ANKRD46: variants seen among roughly 807,000 people sequenced by gnomAD.
ANKRD46 encodes ankyrin repeat domain 46, also known as ankyrin repeat domain-containing protein 46.
In ANKRD46, 13 loss-of-function variants were observed where a neutral mutation model predicts 19.8. That is an observed-to-expected ratio of 0.66 (90% CI 0.43 to 1.04). ANKRD46 has a LOEUF of 1.04. Ranked by LOEUF, ANKRD46 falls within the 50% of genes least tolerant of loss-of-function variation. ANKRD46 has a pLI of 0.00. For synonymous variants in ANKRD46, 91 were observed against 106.9 expected (o/e 0.85, Z 0.92); for missense variants, 185 against 274.8 (o/e 0.67, Z 2.31).
intron 1 of ANKRD46, among the ~76,000 whole-genome samples, chr8:100,539,178 A>T (rs1163468765): frequency 6.6e-6 from 1 of 152,176 alleles, no homozygotes; most frequent in Non-Finnish European, 1.5e-5. Context: ...GGATGGACTT[A>T]AGTTCCTTAT....
At chr8:100,513,179 T>C (rs1359589059) in intron 5 of ANKRD46, among the ~76,000 whole-genome samples, 6 of 152,220 alleles carry the variant, frequency 3.9e-5, no homozygotes, top group African/African-American at 1.2e-4. Context: ...ATAACATACA[T>C]TGAGTCCCTA....
At position 100,548,844 on chromosome 8, in the gene ANKRD46, A is replaced by G. The variant is rs16898562; in HGVS notation, c.-131+10867T>C. Among the ~76,000 whole-genome samples, 1,092 of 152,310 alleles carry G rather than the reference A, an allele frequency of 7.2e-3. 16 individuals carry two copies. The highest frequency in any genetic ancestry group is 0.025 in the African/African-American group (1,043 of 41,556). On this transcript the variant is annotated intron_variant, in intron 1 of 4. Coordinates refer to ENST00000335659, the MANE Select transcript of ANKRD46 (RefSeq NM_001270377.2). Reference sequence around the variant, plus strand: ...ATTACATTTAAAAAGAAATCAAATCACGTTCATATGACTACTTCTTGAACA... The same window carrying G: ...ATTACATTTAAAAAGAAATCAAATCGCGTTCATATGACTACTTCTTGAACA...
chr8:100,519,561 C>T (rs180881578), downstream of ANKRD46, among the ~76,000 whole-genome samples: 5 of 152,320 alleles, frequency 3.3e-5, no homozygotes, highest in Admixed American at 3.3e-4. Context: ...GATTTTGGTT[C>T]CTGCAGCTGA....
rs1476604848 is a variant in ANKRD46, at chr8:100,534,663, A to G, written c.-130-1352T>C. On this transcript the variant is annotated intron_variant, in intron 1 of 4. Transcript: ENST00000335659. The surrounding 1 kb of genome is among the most constrained non-coding windows in gnomAD (Gnocchi z 4.2). ...TAGAGCTCACATTAGGGAAAAAGAA[A>G]AAATTTTGTTTTTCATCTAGAGATG... is the stretch of plus-strand genomic sequence containing the variant. 6.6e-6 allele frequency among the ~76,000 whole-genome samples: 1 copy of G among 152,198 alleles called. No individual in the cohort carries two copies. The highest frequency in any genetic ancestry group is 2.4e-5 in the African/African-American group (1 of 41,456).
downstream of ANKRD46, among the ~76,000 whole-genome samples, chr8:100,517,228 AAC>A (rs1221304323): frequency 6.6e-6 from 1 of 152,198 alleles, no homozygotes; most frequent in Non-Finnish European, 1.5e-5. Context: ...CGGTTTCTAC[AAC>A]AGTGTGGTCC....
chr8:100,526,474 T>G (rs547998968), intron 4 of ANKRD46, among the ~76,000 whole-genome samples: 1 of 152,300 alleles, frequency 6.6e-6, no homozygotes, highest in South Asian at 2.1e-4. Flanking sequence ...TAACTCAATA[T>G]TGTTAAAGTG....
chr8:100,522,886 CACACACACACACACACACATAT>C (rs1407926739), intron 4 of ANKRD46, 115 bp from the exon 5 acceptor site: 12 of 564,698 alleles, frequency 2.1e-5, no homozygotes, highest in Admixed American at 9.9e-5. Context: ...CACACACACA[CACACACACACACACACACATAT>C]ATATATATAC....
chr8:100,510,660 G>T lies in ANKRD46; in HGVS notation c.637-21C>A. 1 of 1,481,584 alleles carries T rather than the reference G, an allele frequency of 6.7e-7. No individual in the cohort carries two copies. The allele number at this position is 1,481,584 out of a possible 1,614,324, so 91.8% of individuals were successfully genotyped here. On this transcript the variant is annotated intron_variant, in intron 5 of 5. Coordinates refer to the ANKRD46 transcript ENST00000520552. This position sits in a 1 kb window ranked among gnomAD's most constrained non-coding sequence, Gnocchi z 4.9. The stretch of plus-strand genomic sequence containing the variant: ...CTTCTCTGTAAATGTGGGGAAGACA[G>T]ATTAAAAAAAAAAAAAAATCCCAGT...
At position 100,528,010 on chromosome 8, in the gene ANKRD46, A is replaced by T. The variant is rs1179078133; in HGVS notation, c.312-7T>A. ...GGTAGCACCTTGATGATTGCTAAAA[A>T]AAAAAAAAAAAAAAAAAGTTTATAA... On this transcript the variant is annotated splice_region_variant and splice_polypyrimidine_tract_variant and intron_variant, in intron 3 of 4. Coordinates refer to ENST00000335659, the MANE Select transcript of ANKRD46 (RefSeq NM_001270377.2). 6.6e-7 allele frequency: 1 copy of T among 1,510,310 alleles called. No individual in the cohort carries two copies. The highest frequency in any genetic ancestry group is 1.4e-5 in the African/African-American group (1 of 70,712). 93.6% of individuals were successfully genotyped at this position (1,510,310 alleles called of 1,614,324 possible).
chr8:100,516,196 G>T, downstream of ANKRD46, among the ~76,000 whole-genome samples: 1 of 152,066 alleles, frequency 6.6e-6, no homozygotes, highest in Non-Finnish European at 1.5e-5. Flanking sequence ...CATTTTTCAG[G>T]CTTCATTCAA....
rs981102029 is a variant in ANKRD46 at position 100,536,345 on chromosome 8, G to A, written c.-130-3034C>T. Among the ~76,000 whole-genome samples, 3 of 152,134 alleles carry A rather than the reference G, an allele frequency of 2.0e-5. No homozygotes were observed. The highest frequency in any genetic ancestry group is 7.2e-5 in the African/African-American group (3 of 41,432). On this transcript the variant is annotated intron_variant, in intron 1 of 4. Transcript: ENST00000335659. This position sits in a 1 kb window ranked among gnomAD's most constrained non-coding sequence, Gnocchi z 4.9. ...GCACTACTCTTAGGAGTGTACCATA[G>A]AGAGACAATTTTCTTGTCAGATGCT...
At chr8:100,516,971 T>C (rs915012923), downstream of ANKRD46, among the ~76,000 whole-genome samples, 3 of 152,202 alleles carry the variant, frequency 2.0e-5, no homozygotes, top group Admixed American at 6.5e-5. Context: ...CCATACTGCC[T>C]GAGTTCAAAT....
chr8:100,532,845 C>G lies in ANKRD46; in HGVS notation c.-28+364G>C, dbSNP rs1400340692. ...ATAAACCTTTTTCAAAATGAAATGC[C>G]ACATATCAAGTGCTTTTCAAAAGGT... On this transcript the variant is annotated intron_variant, in intron 2 of 4. Coordinates refer to ENST00000335659, the MANE Select transcript of ANKRD46 (RefSeq NM_001270377.2). The surrounding 1 kb of genome is among the most constrained non-coding windows in gnomAD (Gnocchi z 4.7). Among the ~76,000 whole-genome samples the G allele has an allele frequency of 6.6e-6, 1 of 152,062 alleles. No individual in the cohort carries two copies. Among genetic ancestry groups the G allele is most frequent in the Non-Finnish European group, 1.5e-5 (1 of 68,018 alleles).
chr8:100,542,407 G>A (rs1313979045), intron 1 of ANKRD46, among the ~76,000 whole-genome samples: 1 of 152,122 alleles, frequency 6.6e-6, no homozygotes, highest in African/African-American at 2.4e-5. Flanking sequence ...GAACAGACAT[G>A]AAACGACTGA....
chr8:100,521,227 T>C lies in ANKRD46; in HGVS notation c.*1328A>G, dbSNP rs1409395952. 7 of 985,026 alleles carry C rather than the reference T, an allele frequency of 7.1e-6. No individual in the cohort carries two copies. Among genetic ancestry groups the C allele is most frequent in the Non-Finnish European group, 8.4e-6 (7 of 829,890 alleles). The allele number at this position is 985,026 out of a possible 1,614,324, so 61.0% of individuals were successfully genotyped here. A position where few individuals can be genotyped will look rare whatever the true frequency, so the allele number is the denominator to read the frequency against. On this transcript the variant is annotated 3_prime_UTR_variant, in exon 5 of 5. Transcript: ENST00000335659. ...GCAAAAAGAATCACAGAAATACCAA[T>C]TCTATTCTAAAGCATAATTTCTAAT... is the stretch of plus-strand genomic sequence containing the variant.
intron 1 of ANKRD46, among the ~76,000 whole-genome samples, chr8:100,549,075 TCA>T (rs930519691): frequency 7.3e-5 from 11 of 151,718 alleles, no homozygotes; most frequent in Non-Finnish European, 1.3e-4. Context: ...TTTGGGTATT[TCA>T]CACTTATTTT....
At position 100,531,035 on chromosome 8, in the gene ANKRD46, G is replaced by C. The variant is rs140852461; in HGVS notation, c.-27-1175C>G. The stretch of plus-strand genomic sequence containing the variant: ...GCACCTGAACTCAGGTGAGAGTTCA[G>C]CATCTGCCTGGTGCACCTGAACTCT... On this transcript the variant is annotated intron_variant, in intron 2 of 4. Coordinates refer to ENST00000335659, the MANE Select transcript of ANKRD46 (RefSeq NM_001270377.2). Among the ~76,000 whole-genome samples the C allele has an allele frequency of 8.7e-4, 133 of 152,244 alleles. 1 individual carries two copies. The highest frequency in any genetic ancestry group is 5.8e-3 in the South Asian group (28 of 4,820).
chr8:100,532,688 A>G lies in ANKRD46; in HGVS notation c.-28+521T>C, dbSNP rs1374296173. 6.6e-6 allele frequency among the ~76,000 whole-genome samples: 1 copy of G among 152,208 alleles called. No individual in the cohort carries two copies. Among genetic ancestry groups the G allele is most frequent in the Non-Finnish European group, 1.5e-5 (1 of 68,036 alleles). ...CATAATGATAGCTGATAAGCTTTAA[A>G]AAATTGCAAAAAAAATCTCAGAATG... On this transcript the variant is annotated intron_variant, in intron 2 of 4. Transcript: ENST00000335659. The surrounding 1 kb of genome is among the most constrained non-coding windows in gnomAD (Gnocchi z 4.7).
intron 1 of ANKRD46, among the ~76,000 whole-genome samples, chr8:100,553,922 C>A (rs1355947475): frequency 1.3e-5 from 2 of 152,164 alleles, no homozygotes; most frequent in East Asian, 3.8e-4. Context: ...GCTAAATAAA[C>A]CATTCGTGCT....
Sources: gnomAD v4.1 joint callset for allele counts (sites outside exome capture counted in the v4.1 genomes callset) on GRCh38, gnomAD v4.1.1 for gene constraint, Gnocchi (gnomAD v3.1) non-coding constraint, MANE v1.5 for transcripts, NCBI Gene and HGNC (gene_info 2026-07-23, HGNC 2026-07-21) for gene names.